SLC35A1: variants seen among roughly 807,000 people sequenced by gnomAD.
SLC35A1 encodes the protein solute carrier family 35 member A1, also known as CMP-sialic acid transporter.
In SLC35A1, 21 loss-of-function variants were observed where a neutral mutation model predicts 40.3. The observed-to-expected ratio is 0.52, with a 90% CI of 0.37 to 0.75. The LOEUF is 0.75. SLC35A1 is among the 30% of genes least tolerant of loss of function. The pLI is 0.00. For missense variants in SLC35A1, 297 were observed against 382.1 expected (o/e 0.78, Z 1.86); for synonymous variants, 146 against 147.3 (o/e 0.99, Z 0.06).
intron 2 of SLC35A1, among the ~76,000 whole-genome samples, chr6:87,499,933 A>G (rs147771311): frequency 6.6e-6 from 1 of 152,034 alleles, no homozygotes; most frequent in Admixed American, 6.6e-5. Flanking sequence ...CTGGCCAACA[A>G]TACTAAAAAT....
intron 2 of SLC35A1, among the ~76,000 whole-genome samples, chr6:87,482,244 C>G (rs1026009682): frequency 3.0e-5 from 4 of 131,806 alleles, no homozygotes; most frequent in Admixed American, 8.0e-5. Flanking sequence ...TCTCCCCCCC[C>G]TCCTTTTTTT....
At chr6:87,484,554 T>C (rs1166945027) in intron 2 of SLC35A1, among the ~76,000 whole-genome samples, 2 of 152,116 alleles carry the variant, frequency 1.3e-5, no homozygotes, top group Non-Finnish European at 2.9e-5. Flanking sequence ...TAATTCCGAT[T>C]GGCTAATTTA....
intron 7 of SLC35A1, among the ~76,000 whole-genome samples, chr6:87,511,069 A>T (rs116338126): frequency 0.016 from 2,378 of 152,052 alleles, 64 homozygotes; most frequent in African/African-American, 0.055. Context: ...ACTTATATAT[A>T]TTTATACTTA....
chr6:87,487,699 A>G (rs1759340644), intron 2 of SLC35A1, among the ~76,000 whole-genome samples: 1 of 152,216 alleles, frequency 6.6e-6, no homozygotes, highest in Non-Finnish European at 1.5e-5. Context: ...AAACAAAATC[A>G]CCAACACAAA....
chr6:87,491,090 G>A lies in SLC35A1; in HGVS notation c.195-9418G>A, dbSNP rs1284231059. Among the ~76,000 whole-genome samples, 3 of 152,186 alleles carry A rather than the reference G, an allele frequency of 2.0e-5. No individual in the cohort carries two copies. In the East Asian group the frequency reaches 5.8e-4, roughly 29 times the overall value. Reference sequence around the variant, plus strand: ...TTATTTTCATTTCATTCTTGTACATGTTGACTAACCCTTATCCAAAGTGCT... The same window carrying A: ...TTATTTTCATTTCATTCTTGTACATATTGACTAACCCTTATCCAAAGTGCT... On this transcript the variant is annotated intron_variant, in intron 2 of 7. Coordinates refer to ENST00000369552, the MANE Select transcript of SLC35A1 (RefSeq NM_006416.5).
At chr6:87,497,672 G>GT (rs934950794) in intron 2 of SLC35A1, among the ~76,000 whole-genome samples, 3 of 152,194 alleles carry the variant, frequency 2.0e-5, no homozygotes, top group Admixed American at 2.0e-4. Context: ...AATCAGCCCT[G>GT]TTTTTTGGAG....
chr6:87,509,743 C>T (rs1418582600), intron 7 of SLC35A1, among the ~76,000 whole-genome samples: 2 of 152,150 alleles, frequency 1.3e-5, no homozygotes, highest in Non-Finnish European at 2.9e-5. Flanking sequence ...ATATAGCTGG[C>T]ATTCCAGTAC....
chr6:87,502,009 G>C (rs934082117), intron 4 of SLC35A1, among the ~76,000 whole-genome samples: 6 of 152,150 alleles, frequency 3.9e-5, no homozygotes, highest in Non-Finnish European at 8.8e-5. Context: ...GTTTCCTACA[G>C]TTGAATATTT....
intron 2 of SLC35A1, among the ~76,000 whole-genome samples, chr6:87,492,628 A>G (rs569097049): frequency 2.1e-5 from 3 of 143,696 alleles, no homozygotes; most frequent in Non-Finnish European, 4.5e-5. Flanking sequence ...GCTGACTGCA[A>G]CCTCCGCCTC....
chr6:87,478,550 T>C (rs1398523258), intron 2 of SLC35A1, among the ~76,000 whole-genome samples: 1 of 152,162 alleles, frequency 6.6e-6, no homozygotes, highest in Non-Finnish European at 1.5e-5. Context: ...CATTTAAATA[T>C]TGAAATGTTA....
At chr6:87,507,698 T>C (rs1770130129) in intron 5 of SLC35A1, among the ~76,000 whole-genome samples, 1 of 152,138 alleles carries the variant, frequency 6.6e-6, no homozygotes, top group Admixed American at 6.6e-5. Context: ...TTAATGGCTT[T>C]GTAAAATATG....
chr6:87,510,004 A>T (rs145476055), intron 7 of SLC35A1, among the ~76,000 whole-genome samples: 302 of 152,362 alleles, frequency 2.0e-3, no homozygotes, highest in African/African-American at 7.0e-3. Flanking sequence ...ATAAATGGAA[A>T]TAGTGTTGTA....
intron 4 of SLC35A1, among the ~76,000 whole-genome samples, chr6:87,504,653 T>G (rs890366897): frequency 2.0e-5 from 3 of 152,224 alleles, no homozygotes; most frequent in African/African-American, 7.2e-5. Flanking sequence ...GATCACATGG[T>G]TGCTTTCTGC....
intron 2 of SLC35A1, among the ~76,000 whole-genome samples, chr6:87,480,757 G>GAAAGGA (rs71018021): frequency 1.1e-3 from 174 of 152,112 alleles, no homozygotes; most frequent in African/African-American, 4.0e-3. Flanking sequence ...GTTAGGAAAG[G>GAAAGGA]AAGGAAAAGA....
chr6:87,508,455 ACTTCT>A lies in SLC35A1; in HGVS notation c.614_618del (p.Ser205LeufsTer26). On this transcript the variant is annotated frameshift_variant, in exon 6 of 8. Coordinates refer to ENST00000369552, the MANE Select transcript of SLC35A1 (RefSeq NM_006416.5). LOFTEE classifies it high-confidence loss of function. ...TGAAAAAGTTTTAAAGAGTTCAGAT[ACTTCT>A]CTTTGGGTGAGAAACATTCAAATGT... 6.2e-7 allele frequency: 1 copy of A among 1,610,908 alleles called. No individual in the cohort carries two copies. Among genetic ancestry groups the A allele is most frequent in the Non-Finnish European group, 8.5e-7 (1 of 1,177,698 alleles).
chr6:87,494,434 T>G (rs1265347388), intron 2 of SLC35A1, among the ~76,000 whole-genome samples: 1 of 151,386 alleles, frequency 6.6e-6, no homozygotes, highest in African/African-American at 2.4e-5. Context: ...TTTTTTTTTT[T>G]TTTTTTGAGA....
At chr6:87,502,712 G>A (rs536984668) in intron 4 of SLC35A1, among the ~76,000 whole-genome samples, 1 of 152,232 alleles carries the variant, frequency 6.6e-6, no homozygotes, top group South Asian at 2.1e-4. Flanking sequence ...TTTCTGGGGG[G>A]CAGGCAAAGT....
At chr6:87,493,464 G>T (rs1325830828) in intron 2 of SLC35A1, among the ~76,000 whole-genome samples, 3 of 126,920 alleles carry the variant, frequency 2.4e-5, no homozygotes, top group East Asian at 4.8e-4. Flanking sequence ...AAATCTAGTT[G>T]TGTGTGTGTG....
At chr6:87,484,240 G>A (rs1420135488) in intron 2 of SLC35A1, among the ~76,000 whole-genome samples, 1 of 152,166 alleles carries the variant, frequency 6.6e-6, no homozygotes, top group East Asian at 1.9e-4. Flanking sequence ...ACAAGGGGGC[G>A]GGGTGCACCT....
Sources: allele counts gnomAD v4.1 joint callset (sites outside exome capture counted in the v4.1 genomes callset), GRCh38; gene constraint gnomAD v4.1.1; transcripts MANE v1.5; gene names NCBI Gene and HGNC (gene_info 2026-07-23, HGNC 2026-07-21).